Variants in GDA observed in about 807,000 individuals in gnomAD.
The protein encoded by GDA is guanine deaminase, also known as cytoplasmic PSD-95 interactor.
A neutral mutation model predicts 59.6 loss-of-function variants in GDA; 18 were observed. The observed-to-expected ratio is 0.30, with a 90% CI of 0.21 to 0.45. GDA has a LOEUF of 0.45. Among genes scored for constraint, GDA ranks in the 20% least tolerant of loss-of-function variants. The pLI is 1.00. For synonymous variants in GDA, 201 were observed against 201.1 expected, an observed-to-expected ratio of 1.00 and a Z score of 0.00; for missense variants, 427 against 552.3, an observed-to-expected ratio of 0.77 and a Z score of 2.27.
At chr9:72,154,513 G>A (rs1036501218) in intron 1 of GDA, among the ~76,000 whole-genome samples, 2 of 152,130 alleles carry the variant, frequency 1.3e-5, no homozygotes, top group Admixed American at 6.6e-5. Flanking sequence ...TGAACTGTAT[G>A]GGGTGGTCAC....
At chr9:72,167,021 A>T (rs1415621468) in intron 1 of GDA, among the ~76,000 whole-genome samples, 1 of 152,156 alleles carries the variant, frequency 6.6e-6, no homozygotes, top group Non-Finnish European at 1.5e-5. Context: ...AGTTCCATAG[A>T]CAGGTTTTTG....
intron 1 of GDA, among the ~76,000 whole-genome samples, chr9:72,157,450 A>G (rs1433630732): frequency 2.6e-5 from 4 of 152,206 alleles, no homozygotes; most frequent in Non-Finnish European, 4.4e-5. Context: ...TTTTCAATGA[A>G]CAATATTTTA....
At chr9:72,259,373 T>C (rs1260654754), downstream of GDA, among the ~76,000 whole-genome samples, 4 of 152,202 alleles carry the variant, frequency 2.6e-5, no homozygotes. Flanking sequence ...GCTGTCTTTC[T>C]ACGATGTGGC....
At chr9:72,208,341 A>T (rs958495750) in intron 3 of GDA, among the ~76,000 whole-genome samples, 1 of 152,194 alleles carries the variant, frequency 6.6e-6, no homozygotes, top group Non-Finnish European at 1.5e-5. Flanking sequence ...GGCAAAACGT[A>T]AGCAAGAGCC....
At position 72,250,211 on chromosome 9, in the gene GDA, C is replaced by G; in HGVS notation, c.*1869C>G. ...ATTACATGGTGTCTAACCAAATGAG[C>G]AGGCTTAGGAATTTAGATGAGATGT... On this transcript the variant is annotated 3_prime_UTR_variant, in exon 14 of 14. Transcript: ENST00000358399. 3 of 985,408 alleles carry G rather than the reference C, an allele frequency of 3.0e-6. No homozygotes were observed. The highest frequency in any genetic ancestry group is 2.4e-6 in the Non-Finnish European group (2 of 829,830). 61.0% of individuals were successfully genotyped at this position (985,408 alleles called of 1,614,324 possible).
intron 7 of GDA, among the ~76,000 whole-genome samples, chr9:72,224,530 A>G (rs1326426902): frequency 6.6e-6 from 1 of 152,158 alleles, no homozygotes; most frequent in Non-Finnish European, 1.5e-5. Flanking sequence ...GTGTGGGGGC[A>G]TAGGACTTAT....
At chr9:72,150,500 A>G (rs1253545355) in intron 1 of GDA, among the ~76,000 whole-genome samples, 1 of 152,246 alleles carries the variant, frequency 6.6e-6, no homozygotes, top group Non-Finnish European at 1.5e-5. Context: ...TTACTGTTCC[A>G]TACACACATA....
At chr9:72,246,572 A>G (rs555914537) in intron 12 of GDA, among the ~76,000 whole-genome samples, 3 of 152,342 alleles carry the variant, frequency 2.0e-5, no homozygotes, top group Admixed American at 6.5e-5. Flanking sequence ...GAGAAATATG[A>G]TAGGACAAAG....
intron 4 of GDA, among the ~76,000 whole-genome samples, chr9:72,213,252 G>C (rs1221707794): frequency 1.3e-5 from 2 of 152,084 alleles, no homozygotes; most frequent in Non-Finnish European, 2.9e-5. Context: ...TGGTGACAGA[G>C]TGAGACTCCG....
chr9:72,168,751 T>C (rs182278127), intron 1 of GDA, among the ~76,000 whole-genome samples: 6 of 152,320 alleles, frequency 3.9e-5, no homozygotes, highest in Admixed American at 3.3e-4. Flanking sequence ...TATTAACTCA[T>C]TTAATCATTG....
chr9:72,257,372 T>C (rs1487169418), downstream of GDA: 1 of 152,228 alleles, frequency 6.6e-6, no homozygotes, highest in Non-Finnish European at 1.5e-5. Flanking sequence ...GAGCCCAGCC[T>C]AAAATCCTCT....
chr9:72,251,108 T>A lies in GDA; in HGVS notation c.*2766T>A. 1 of 377,616 alleles carries A rather than the reference T, an allele frequency of 2.6e-6. No individual in the cohort carries two copies. The highest frequency in any genetic ancestry group is 4.8e-6 in the Non-Finnish European group (1 of 207,168). 23.4% of individuals were successfully genotyped at this position (377,616 alleles called of 1,614,324 possible). A position where few individuals can be genotyped will look rare whatever the true frequency, so the allele number is the denominator to read the frequency against. On this transcript the variant is annotated 3_prime_UTR_variant, in exon 14 of 14. Transcript: ENST00000358399. ...GCTCCCTTCATGCCAAGGGTCTTTCTAAGTTAATACTGTGAGCATTGAGCC... is the reference window on the plus strand; with the variant it reads ...GCTCCCTTCATGCCAAGGGTCTTTCAAAGTTAATACTGTGAGCATTGAGCC...
intron 1 of GDA, among the ~76,000 whole-genome samples, chr9:72,141,255 A>T (rs1826430794): frequency 1.3e-5 from 2 of 152,178 alleles, no homozygotes; most frequent in South Asian, 4.1e-4. Flanking sequence ...TTAGGGCTGG[A>T]TTCTTCTCAC....
rs1835714399 is a variant in GDA, at chr9:72,213,753, A to G, written c.473-133A>G. 15 of 521,076 alleles carry G rather than the reference A, an allele frequency of 2.9e-5. No homozygotes were observed. In the South Asian group the frequency reaches 3.1e-4, roughly 11 times the overall value. 32.3% of individuals were successfully genotyped at this position (521,076 alleles called of 1,614,324 possible). A position where few individuals can be genotyped will look rare whatever the true frequency, so the allele number is the denominator to read the frequency against. ...GGGAGGCGGAGCTTGCAGTGAGCCG[A>G]GATTGCGCCACTGCAATCTGGCCTG... is the stretch of plus-strand genomic sequence containing the variant. On this transcript the variant is annotated intron_variant, in intron 4 of 13. Coordinates refer to ENST00000358399, the MANE Select transcript of GDA (RefSeq NM_004293.5).
chr9:72,181,175 A>C (rs936132354), intron 1 of GDA, among the ~76,000 whole-genome samples: 3 of 152,286 alleles, frequency 2.0e-5, no homozygotes, highest in South Asian at 4.1e-4. Context: ...CATTGGGTAA[A>C]GAAAGTACAG....
At chr9:72,222,358 A>T (rs1287716107) in intron 6 of GDA, among the ~76,000 whole-genome samples, 1 of 152,140 alleles carries the variant, frequency 6.6e-6, no homozygotes, top group Non-Finnish European at 1.5e-5. Flanking sequence ...CATCAATCAT[A>T]TGTAAAACAG....
At position 72,245,220 on chromosome 9, in the gene GDA, A is replaced by G; in HGVS notation, c.1208A>G (p.Lys403Arg). The change falls in exon 12 of 14, where the codon AAA (lysine) becomes AGA (arginine). Residue 403 changes from lysine (K) to arginine (R), a missense_variant. Physicochemically the swap from Lys to Arg is conservative, Grantham distance 26 (BLOSUM62 2). Transcript: ENST00000358399. ...TTTGATGCCATCCTGATCAACCCCA[A>G]AGCATCCGACTCTCCCATTGACCTG... is the stretch of plus-strand genomic sequence containing the variant. ...KEFDAILINP[K>R]ASDSPIDLFY... 4 of 1,612,436 alleles carry G rather than the reference A, an allele frequency of 2.5e-6. No homozygotes were observed. The highest frequency in any genetic ancestry group is 8.5e-7 in the Non-Finnish European group (1 of 1,178,462).
chr9:72,209,583 A>G (rs539532936), intron 3 of GDA, among the ~76,000 whole-genome samples: 2 of 152,054 alleles, frequency 1.3e-5, no homozygotes, highest in African/African-American at 4.8e-5. Flanking sequence ...GTTTCCTCTA[A>G]GATTTTTTCC....
chr9:72,145,714 G>C (rs1486070509), upstream of GDA, among the ~76,000 whole-genome samples: 1 of 152,172 alleles, frequency 6.6e-6, no homozygotes, highest in Non-Finnish European at 1.5e-5. Context: ...CTGAAATAGA[G>C]AAAATTGAGA....
Sources: allele counts gnomAD v4.1 joint callset (sites outside exome capture counted in the v4.1 genomes callset), GRCh38; gene constraint gnomAD v4.1.1; transcripts MANE v1.5; gene names NCBI Gene and HGNC (gene_info 2026-07-23, HGNC 2026-07-21).